TRAPPC9: variants seen among roughly 807,000 people sequenced by gnomAD.
TRAPPC9 encodes trafficking protein particle complex subunit 9.
TRAPPC9 carries 83 observed loss-of-function variants against 124.0 expected under a neutral mutation model. The ratio of observed to expected loss-of-function variants is 0.67; its 90% CI spans 0.56 to 0.80. The LOEUF (loss-of-function observed/expected upper bound fraction) is 0.80, where lower values mean the gene tolerates loss of function less well. Ranked by LOEUF, TRAPPC9 falls within the 30% of genes least tolerant of loss-of-function variation. The probability of loss-of-function intolerance (pLI) is 0.00; values close to 1 mark genes in which losing one functional copy is unlikely to be tolerated. For synonymous variants in TRAPPC9, 638 were observed against 617.5 expected (o/e 1.03, Z -0.49); for missense variants, 1,302 against 1,508.3 (o/e 0.86, Z 2.27).
At chr8:140,132,760 G>A (rs552230084) in intron 17 of TRAPPC9, among the ~76,000 whole-genome samples, 2 of 151,106 alleles carry the variant, frequency 1.3e-5, no homozygotes, top group Admixed American at 6.6e-5. Flanking sequence ...CAAGTGGGAG[G>A]CTCAGAATAA....
chr8:140,139,592 C>G (rs2061353257), intron 17 of TRAPPC9, among the ~76,000 whole-genome samples: 1 of 152,052 alleles, frequency 6.6e-6, no homozygotes. Context: ...ATACGGTAGT[C>G]CAGTGAAAAA....
chr8:139,818,675 G>A (rs1368374832), intron 21 of TRAPPC9, among the ~76,000 whole-genome samples: 1 of 152,094 alleles, frequency 6.6e-6, no homozygotes, highest in African/African-American at 2.4e-5. Context: ...TTTAATATTT[G>A]CCAATTTCTA....
chr8:140,160,308 AG>A, intron 17 of TRAPPC9, among the ~76,000 whole-genome samples: 1 of 152,192 alleles, frequency 6.6e-6, no homozygotes, highest in East Asian at 1.9e-4. Flanking sequence ...ATATACCCAA[AG>A]GATTATAAAT....
intron 18 of TRAPPC9, among the ~76,000 whole-genome samples, chr8:139,990,077 C>A (rs1387100058): frequency 6.6e-6 from 1 of 152,136 alleles, no homozygotes; most frequent in Non-Finnish European, 1.5e-5. Context: ...TTATTATCAG[C>A]CTAGTGTGAC....
chr8:139,895,529 G>A (rs1231458429), intron 20 of TRAPPC9, among the ~76,000 whole-genome samples: 3 of 152,184 alleles, frequency 2.0e-5, no homozygotes, highest in Admixed American at 2.0e-4. Context: ...TTTTTAAAAC[G>A]ATTTTGAACC....
intron 5 of TRAPPC9, among the ~76,000 whole-genome samples, chr8:140,421,958 G>C (rs1376446860): frequency 2.2e-5 from 2 of 90,960 alleles, no homozygotes; most frequent in Non-Finnish European, 4.0e-5. Context: ...TCTGCAAGGT[G>C]AATGAAGAGA....
intron 17 of TRAPPC9, among the ~76,000 whole-genome samples, chr8:140,214,374 G>A (rs1232913384): frequency 6.6e-6 from 1 of 152,174 alleles, no homozygotes; most frequent in Admixed American, 6.5e-5. Flanking sequence ...CTACTCAGGG[G>A]ACCCGACATC....
chr8:139,773,292 G>C (rs1173105903), intron 21 of TRAPPC9, among the ~76,000 whole-genome samples: 2 of 152,256 alleles, frequency 1.3e-5, no homozygotes, highest in Non-Finnish European at 2.9e-5. Flanking sequence ...ATGCTAGAGA[G>C]TATTTAGCAC....
chr8:140,013,169 G>A (rs112163723), intron 18 of TRAPPC9, among the ~76,000 whole-genome samples: 1 of 152,146 alleles, frequency 6.6e-6, no homozygotes, highest in Non-Finnish European at 1.5e-5. Flanking sequence ...TGCTCGGCAG[G>A]TAAGGGCCAG....
At chr8:140,091,769 T>G (rs1439917176) in intron 17 of TRAPPC9, among the ~76,000 whole-genome samples, 1 of 151,970 alleles carries the variant, frequency 6.6e-6, no homozygotes, top group Admixed American at 6.6e-5. Flanking sequence ...TGCGATGAAG[T>G]TACAAAAATA....
chr8:139,979,299 G>A (rs1836718826), intron 19 of TRAPPC9, among the ~76,000 whole-genome samples: 1 of 152,182 alleles, frequency 6.6e-6, no homozygotes, highest in Non-Finnish European at 1.5e-5. Context: ...CCCCAGGAAG[G>A]AGGGGTCCTG....
At chr8:140,451,887 G>A (rs893174680) in intron 1 of TRAPPC9, among the ~76,000 whole-genome samples, 1 of 152,154 alleles carries the variant, frequency 6.6e-6, no homozygotes, top group East Asian at 1.9e-4. Context: ...TTGGAAGGCC[G>A]AAGCTGGCGG....
At chr8:139,925,081 C>T (rs1176595483) in intron 19 of TRAPPC9, among the ~76,000 whole-genome samples, 1 of 152,206 alleles carries the variant, frequency 6.6e-6, no homozygotes, top group Non-Finnish European at 1.5e-5. Flanking sequence ...CCGAAAAGCA[C>T]ACAAAAACAG....
intron 17 of TRAPPC9, among the ~76,000 whole-genome samples, chr8:140,072,060 G>A (rs1041676842): frequency 5.9e-5 from 9 of 152,228 alleles, no homozygotes; most frequent in African/African-American, 1.9e-4. Flanking sequence ...TGGAGTAGGG[G>A]CCAGGGTTGC....
At chr8:139,865,186 C>T (rs968925242) in intron 21 of TRAPPC9, among the ~76,000 whole-genome samples, 1 of 152,182 alleles carries the variant, frequency 6.6e-6, no homozygotes, top group Non-Finnish European at 1.5e-5. Context: ...CAGAAGGCTG[C>T]TCTCAGGGCA....
In TRAPPC9 at chr8:140,328,783, G is replaced by A. The variant is rs1428209802; in HGVS notation, c.1496-17409C>T. Among the ~76,000 whole-genome samples the A allele has an allele frequency of 2.0e-5, 3 of 152,098 alleles. No homozygotes were observed. In the South Asian group the frequency reaches 6.2e-4, roughly 32 times the overall value. On this transcript the variant is annotated intron_variant, in intron 9 of 22. Coordinates refer to ENST00000438773, the MANE Select transcript of TRAPPC9 (RefSeq NM_001160372.4). ...TTAGAGATGCTTAGCTATGACCAAG[G>A]AGGCCACAGTCTAATTAGCATAGTT... is the stretch of plus-strand genomic sequence containing the variant.
At chr8:139,829,239 G>A (rs960269936) in intron 21 of TRAPPC9, among the ~76,000 whole-genome samples, 5 of 152,208 alleles carry the variant, frequency 3.3e-5, no homozygotes, top group Non-Finnish European at 2.9e-5. Flanking sequence ...TTCGCTCTAC[G>A]AACCAATCCC....
intron 18 of TRAPPC9, among the ~76,000 whole-genome samples, chr8:140,013,108 G>A (rs1268114703): frequency 6.6e-6 from 1 of 152,202 alleles, no homozygotes; most frequent in Non-Finnish European, 1.5e-5. Context: ...GACCCTAAGT[G>A]TAATGGATAA....
intron 18 of TRAPPC9, among the ~76,000 whole-genome samples, chr8:140,020,451 C>A (rs1314608954): frequency 6.6e-6 from 1 of 152,098 alleles, no homozygotes; most frequent in Non-Finnish European, 1.5e-5. Flanking sequence ...GACAGTGAGA[C>A]CCCATCTCTA....
Sources: allele counts gnomAD v4.1 joint callset (sites outside exome capture counted in the v4.1 genomes callset), GRCh38; gene constraint gnomAD v4.1.1; transcripts MANE v1.5; gene names NCBI Gene and HGNC (gene_info 2026-07-23, HGNC 2026-07-21).